NEDD4: variants seen among roughly 807,000 people sequenced by gnomAD.
The protein encoded by NEDD4 is NEDD4 E3 ubiquitin protein ligase.
A neutral mutation model predicts 144.9 loss-of-function variants in NEDD4; 99 were observed. The ratio of observed to expected loss-of-function variants is 0.68; its 90% CI spans 0.58 to 0.81. The LOEUF is 0.81. Ranked by LOEUF, NEDD4 falls within the 30% of genes least tolerant of loss-of-function variation. The pLI, the probability that NEDD4 is intolerant of heterozygous loss-of-function variation, is 0.00. For synonymous variants in NEDD4, 318 were observed against 350.6 expected, an observed-to-expected ratio of 0.91 and a Z score of 1.04; for missense variants, 985 against 1,065.9, an observed-to-expected ratio of 0.92 and a Z score of 1.06.
chr15:55,903,148 G>A (rs972495218), intron 5 of NEDD4, among the ~76,000 whole-genome samples: 2 of 152,150 alleles, frequency 1.3e-5, no homozygotes, highest in Non-Finnish European at 2.9e-5. Flanking sequence ...TCTTCAGAGT[G>A]TAAACATTAT....
At chr15:55,911,895 A>T (rs1399888931) in intron 5 of NEDD4, among the ~76,000 whole-genome samples, 1 of 152,104 alleles carries the variant, frequency 6.6e-6, no homozygotes, top group Non-Finnish European at 1.5e-5. Context: ...CTAAATAGAG[A>T]CTGTATTTTA....
intron 2 of NEDD4, among the ~76,000 whole-genome samples, chr15:55,965,249 A>G (rs894243766): frequency 6.6e-6 from 1 of 152,114 alleles, no homozygotes; most frequent in South Asian, 2.1e-4. Context: ...CCCAGGCTGG[A>G]GTGCATTGGC....
intron 1 of NEDD4, among the ~76,000 whole-genome samples, chr15:55,971,405 T>C (rs1047303794): frequency 1.3e-5 from 2 of 152,026 alleles, no homozygotes; most frequent in Non-Finnish European, 2.9e-5. Context: ...CGAGTGGATC[T>C]CTTGAGGTCA....
At chr15:55,962,282 C>T (rs1387588444) in intron 2 of NEDD4, among the ~76,000 whole-genome samples, 5 of 152,186 alleles carry the variant, frequency 3.3e-5, no homozygotes, top group African/African-American at 4.8e-5. Context: ...TTAAGTGCAT[C>T]ACGTAGGACA....
At chr15:55,987,826 ATCT>A (rs1300631781) in intron 1 of NEDD4, 40 of 90,384 alleles carry the variant, frequency 4.4e-4, no homozygotes, top group Admixed American at 1.6e-3. Flanking sequence ...TGTTCCATTG[ATCT>A]ATATCTCTGT....
At chr15:55,950,860 T>C (rs1286481325) in intron 4 of NEDD4, among the ~76,000 whole-genome samples, 1 of 152,192 alleles carries the variant, frequency 6.6e-6, no homozygotes, top group African/African-American at 2.4e-5. Flanking sequence ...GTTTCGATTC[T>C]GGCAACAGTA....
rs148537925 is a variant in NEDD4 at position 55,949,888 on chromosome 15, C to T, written c.237+1488G>A. On this transcript the variant is annotated intron_variant, in intron 4 of 28. Coordinates refer to ENST00000435532, the MANE Select transcript of NEDD4 (RefSeq NM_006154.4). ...ATGGGTGCAGCACACCAATATGGCACGTGTATACATATGTAACAAACCTGC... is the reference window on the plus strand; with the variant it reads ...ATGGGTGCAGCACACCAATATGGCATGTGTATACATATGTAACAAACCTGC... Among the ~76,000 whole-genome samples, 627 of 151,286 alleles carry T rather than the reference C, an allele frequency of 4.1e-3. 6 individuals carry two copies. Among genetic ancestry groups the T allele is most frequent in the Non-Finnish European group, 5.1e-3 (348 of 67,902 alleles).
At chr15:55,879,887 A>G (rs1461399551) in intron 5 of NEDD4, among the ~76,000 whole-genome samples, 1 of 152,248 alleles carries the variant, frequency 6.6e-6, no homozygotes, top group African/African-American at 2.4e-5. Flanking sequence ...AAAATTCAAA[A>G]GTCAACATCG....
At chr15:55,907,314 A>G (rs1469674882) in intron 5 of NEDD4, among the ~76,000 whole-genome samples, 6 of 152,176 alleles carry the variant, frequency 3.9e-5, no homozygotes, top group Non-Finnish European at 8.8e-5. Context: ...CTTCAAAGAA[A>G]TAATATCTGA....
At chr15:55,880,998 G>A (rs1379692593) in intron 5 of NEDD4, among the ~76,000 whole-genome samples, 1 of 152,146 alleles carries the variant, frequency 6.6e-6, no homozygotes, top group Non-Finnish European at 1.5e-5. Context: ...AAAGGAGTAC[G>A]GTTGGAGTCT....
intron 11 of NEDD4, 21 bp from the exon 12 acceptor site, chr15:55,856,217 C>G (rs1424563646): frequency 3.1e-6 from 5 of 1,604,124 alleles, no homozygotes; most frequent in Middle Eastern, 3.3e-4. Flanking sequence ...AACAAGACAA[C>G]AGAAGAATAC....
chr15:55,930,498 T>C (rs930935257), intron 4 of NEDD4, among the ~76,000 whole-genome samples: 2 of 152,124 alleles, frequency 1.3e-5, no homozygotes, highest in African/African-American at 2.4e-5. Flanking sequence ...ATTCAACTAG[T>C]TGGAATCCCC....
intron 18 of NEDD4, among the ~76,000 whole-genome samples, chr15:55,844,145 G>C (rs2033639044): frequency 1.3e-5 from 2 of 151,998 alleles, no homozygotes; most frequent in Non-Finnish European, 2.9e-5. Context: ...ATACATGAGA[G>C]GTCTGATATA....
intron 23 of NEDD4, 119 bp downstream of exon 23, chr15:55,837,988 A>C (rs2033290553): frequency 4.5e-6 from 4 of 896,858 alleles, no homozygotes; most frequent in Non-Finnish European, 6.9e-6. Flanking sequence ...CTGCATTGTG[A>C]TAGAGAAAAA....
chr15:55,868,048 T>C (rs2034645321), intron 8 of NEDD4, among the ~76,000 whole-genome samples: 1 of 137,682 alleles, frequency 7.3e-6, no homozygotes, highest in Non-Finnish European at 1.6e-5. Flanking sequence ...AGAGCAAGAC[T>C]CTGACTCCAA....
At chr15:55,910,464 C>T (rs1455083914) in intron 5 of NEDD4, among the ~76,000 whole-genome samples, 1 of 152,116 alleles carries the variant, frequency 6.6e-6, no homozygotes, top group African/African-American at 2.4e-5. Context: ...CTCTCTTGGC[C>T]TCTGTGTGGT....
intron 5 of NEDD4, among the ~76,000 whole-genome samples, chr15:55,896,973 T>A (rs2035757671): frequency 6.6e-6 from 1 of 152,086 alleles, no homozygotes; most frequent in Non-Finnish European, 1.5e-5. Flanking sequence ...TAAATATGAT[T>A]ATTGACATGG....
chr15:55,925,613 G>A (rs1342504418), intron 4 of NEDD4, among the ~76,000 whole-genome samples: 5 of 152,000 alleles, frequency 3.3e-5, no homozygotes, highest in African/African-American at 1.2e-4. Flanking sequence ...AATAAAAATC[G>A]CCTACTATAT....
intron 5 of NEDD4, among the ~76,000 whole-genome samples, chr15:55,898,323 A>G (rs749421973): frequency 5.9e-5 from 9 of 152,224 alleles, no homozygotes; most frequent in Non-Finnish European, 1.2e-4. Context: ...TAAAAGTTAC[A>G]AACTACTGAA....
Sources: gnomAD v4.1 joint callset for allele counts (sites outside exome capture counted in the v4.1 genomes callset) on GRCh38, gnomAD v4.1.1 for gene constraint, MANE v1.5 for transcripts, NCBI Gene and HGNC (gene_info 2026-07-23, HGNC 2026-07-21) for gene names.